The following P2RY12 variants were observed in gnomAD, a reference collection of about 807,000 sequenced individuals.
P2RY12 encodes purinergic receptor P2Y12.
Under a neutral mutation model 4.5 loss-of-function variants are expected in P2RY12, and 3 were observed. The observed-to-expected ratio is 0.67, with a 90% CI of 0.31 to 1.74. The LOEUF is 1.74. Ranked by LOEUF, P2RY12 falls within the 40% of genes most tolerant of loss-of-function variation. The pLI is 0.09. For synonymous variants in P2RY12, 148 were observed against 154.1 expected (o/e 0.96, Z 0.29); for missense variants, 356 against 407.8 (o/e 0.87, Z 1.09).
intron 1 of P2RY12, among the ~76,000 whole-genome samples, chr3:151,343,967 G>A (rs2149978954): frequency 1.3e-5 from 2 of 152,194 alleles, no homozygotes; most frequent in East Asian, 3.9e-4. Context: ...TTGTTTGAGG[G>A]TGTGTATTTT....
intron 1 of P2RY12, chr3:151,380,059 G>C: frequency 9.1e-7 from 1 of 1,098,764 alleles, no homozygotes; most frequent in Non-Finnish European, 1.3e-6. Flanking sequence ...GTTGCCAGAG[G>C]AAGTAATGCA....
chr3:151,382,205 A>G (rs1393372646), intron 1 of P2RY12, among the ~76,000 whole-genome samples: 1 of 152,230 alleles, frequency 6.6e-6, no homozygotes, highest in East Asian at 1.9e-4. Context: ...AGGAAGACAC[A>G]TACATAAGAT....
chr3:151,357,323 C>G (rs1277412059), intron 1 of P2RY12: 1 of 1,613,680 alleles, frequency 6.2e-7, no homozygotes, highest in Non-Finnish European at 8.5e-7. Flanking sequence ...TTCTCAGGCG[C>G]TATCACAGTT....
chr3:151,348,061 T>C (rs1218954606), intron 1 of P2RY12, among the ~76,000 whole-genome samples: 2 of 152,182 alleles, frequency 1.3e-5, no homozygotes, highest in African/African-American at 2.4e-5. Flanking sequence ...TTGATGACAT[T>C]GAATCTGTGC....
chr3:151,355,905 A>T (rs749502287), intron 1 of P2RY12: 1 of 1,609,672 alleles, frequency 6.2e-7, no homozygotes, highest in Non-Finnish European at 8.5e-7. Context: ...GATTTCTAAC[A>T]ATGTGCTAGA....
intron 1 of P2RY12, chr3:151,367,816 G>T: frequency 6.4e-7 from 1 of 1,565,678 alleles, no homozygotes; most frequent in Non-Finnish European, 8.7e-7. Context: ...TTGTCTTGAT[G>T]GAGTGGTTTC....
chr3:151,360,210 G>GTA (rs1560075044), intron 1 of P2RY12, among the ~76,000 whole-genome samples: 2 of 152,202 alleles, frequency 1.3e-5, no homozygotes, highest in South Asian at 4.1e-4. Context: ...TCCTCCATAC[G>GTA]TACCTTCTTT....
At chr3:151,376,342 T>A in intron 1 of P2RY12, 1 of 745,806 alleles carries the variant, frequency 1.3e-6, no homozygotes, top group Non-Finnish European at 2.0e-6. Context: ...TCCCACACAT[T>A]TTCTGTGGAA....
At chr3:151,366,579 TC>T (rs1331055331) in intron 1 of P2RY12, among the ~76,000 whole-genome samples, 1 of 152,218 alleles carries the variant, frequency 6.6e-6, no homozygotes, top group East Asian at 1.9e-4. Context: ...TCTTTAAAAA[TC>T]TGTCTTGATT....
chr3:151,349,909 G>T, intron 1 of P2RY12: 1 of 523,606 alleles, frequency 1.9e-6, no homozygotes, highest in Non-Finnish European at 3.3e-6. Flanking sequence ...CAAGGGTGTT[G>T]CCAGTGGAGG....
At chr3:151,382,842 C>A in intron 1 of P2RY12, 1 of 862,816 alleles carries the variant, frequency 1.2e-6, no homozygotes, top group Non-Finnish European at 1.8e-6. Context: ...GTCTGCATTA[C>A]AAGGTGAGGC....
intron 1 of P2RY12, among the ~76,000 whole-genome samples, chr3:151,360,992 A>G (rs1754534885): frequency 1.3e-5 from 2 of 152,168 alleles, no homozygotes; most frequent in African/African-American, 2.4e-5. Flanking sequence ...TAAGTTTAAA[A>G]TTCAATTTGG....
intron 1 of P2RY12, among the ~76,000 whole-genome samples, chr3:151,377,856 G>T (rs1711520342): frequency 6.6e-6 from 1 of 152,132 alleles, no homozygotes; most frequent in African/African-American, 2.4e-5. Flanking sequence ...AATGTCTAGT[G>T]TTCGGAAAAA....
chr3:151,362,789 A>C (rs1216563311), intron 1 of P2RY12, among the ~76,000 whole-genome samples: 1 of 152,210 alleles, frequency 6.6e-6, no homozygotes, highest in Non-Finnish European at 1.5e-5. Context: ...AAGTGTGAAA[A>C]TATGAAATGG....
intron 1 of P2RY12, among the ~76,000 whole-genome samples, chr3:151,371,548 C>T (rs962763798): frequency 2.0e-5 from 3 of 151,998 alleles, no homozygotes; most frequent in African/African-American, 7.2e-5. Context: ...AGTAAATACT[C>T]AGTAAGCCAT....
intron 1 of P2RY12, chr3:151,382,580 A>G (rs1182420459): frequency 2.2e-6 from 2 of 915,302 alleles, no homozygotes; most frequent in African/African-American, 1.7e-5. Context: ...GTTTTTTGCT[A>G]TCAGTATAAA....
At chr3:151,348,403 G>A (rs776581580) in intron 1 of P2RY12, among the ~76,000 whole-genome samples, 7 of 144,002 alleles carry the variant, frequency 4.9e-5, no homozygotes, top group South Asian at 4.5e-4. Context: ...TAGCAACAAC[G>A]AAAATGGGAA....
chr3:151,338,234 A>G lies in P2RY12; in HGVS notation c.612T>C (p.Ile204=). The G allele has an allele frequency of 1.2e-6, 2 of 1,614,154 alleles. No individual in the cohort carries two copies. Among genetic ancestry groups the G allele is most frequent in the Non-Finnish European group, 1.7e-6 (2 of 1,180,018 alleles). ...TAATGAGTGTATAACATACAATAAC[A>G]ATTAAGAAATTAATCCAGAAAATGA... ...CQVIFWINFL[I]VIVCYTLITK... Residue 204 remains isoleucine (I), a synonymous_variant, in exon 3 of 3, where the codon ATT becomes ATC. Transcript: ENST00000302632.
rs1465861488 is a variant in P2RY12 at position 151,370,872 on chromosome 3, T to G, written c.-180+13820A>C. ...ACCTTCTAGACACTGGCCCCATGATTTGTAGGATTAGTCTAATCTCAAGTA... is the reference window on the plus strand; with the variant it reads ...ACCTTCTAGACACTGGCCCCATGATGTGTAGGATTAGTCTAATCTCAAGTA... On this transcript the variant is annotated intron_variant, in intron 1 of 2. Coordinates refer to ENST00000302632, the MANE Select transcript of P2RY12 (RefSeq NM_022788.5). Among the ~76,000 whole-genome samples, 9 of 152,200 alleles carry G rather than the reference T, an allele frequency of 5.9e-5. No individual in the cohort carries two copies. In the South Asian group the frequency reaches 1.7e-3, roughly 28 times the overall value.
Sources: gnomAD v4.1 joint callset for allele counts (sites outside exome capture counted in the v4.1 genomes callset) on GRCh38, gnomAD v4.1.1 for gene constraint, MANE v1.5 for transcripts, NCBI Gene and HGNC (gene_info 2026-07-23, HGNC 2026-07-21) for gene names.